TPPP2: variants seen among roughly 807,000 people sequenced by gnomAD.
The protein encoded by TPPP2 is tubulin polymerization-promoting protein family member 2.
A neutral mutation model predicts 13.0 loss-of-function variants in TPPP2; 8 were observed. The ratio of observed to expected loss-of-function variants is 0.62; its 90% CI spans 0.36 to 1.11. The LOEUF (loss-of-function observed/expected upper bound fraction) is 1.11. Among genes scored for constraint, TPPP2 ranks in the 50% most tolerant of loss-of-function variants. The pLI, the probability that TPPP2 is intolerant of heterozygous loss-of-function variation, is 0.02. For synonymous variants in TPPP2, 81 were observed against 81.8 expected (o/e 0.99, Z 0.05); for missense variants, 213 against 216.9 (o/e 0.98, Z 0.11).
upstream of TPPP2, among the ~76,000 whole-genome samples, chr14:21,027,645 A>C (rs1228556988): frequency 6.6e-6 from 1 of 152,248 alleles, no homozygotes; most frequent in African/African-American, 2.4e-5. Flanking sequence ...CAACATCTGT[A>C]AATGCGGTAA....
At chr14:21,034,379 C>A, downstream of TPPP2, 1 of 896,142 alleles carries the variant, frequency 1.1e-6, no homozygotes, top group Admixed American at 2.5e-5. Flanking sequence ...CATTCCCAAC[C>A]CAACAGTACT....
At chr14:21,025,744 CG>C, upstream of TPPP2, 1 of 135,758 alleles carries the variant, frequency 7.4e-6, no homozygotes, top group Non-Finnish European at 9.7e-6. This position sits in a 1 kb window ranked among gnomAD's most constrained non-coding sequence, Gnocchi z 5.1. Flanking sequence ...GACAACAAGG[CG>C]GGGAGGTGGG....
chr14:21,032,461 C>T lies in TPPP2; in HGVS notation c.*384C>T, dbSNP rs577120530. On this transcript the variant is annotated 3_prime_UTR_variant, in exon 4 of 4. Transcript: ENST00000321760. ...CACCCCTCAAAAGGGTGTAGCAATT[C>T]CTCACGTGATGGACTATGACTATAT... 1.5e-5 allele frequency: 6 copies of T among 400,138 alleles called. No homozygotes were observed. In the East Asian group the frequency reaches 4.2e-4, roughly 28 times the overall value. 24.8% of individuals were successfully genotyped at this position (400,138 alleles called of 1,614,324 possible).
chr14:21,026,971 T>C (rs1434221345), upstream of TPPP2, among the ~76,000 whole-genome samples: 1 of 152,092 alleles, frequency 6.6e-6, no homozygotes, highest in Non-Finnish European at 1.5e-5. Context: ...CCTGCAGGCT[T>C]TTCTTTGTCA....
upstream of TPPP2, among the ~76,000 whole-genome samples, chr14:21,026,181 C>T (rs550286651): frequency 6.6e-6 from 1 of 152,276 alleles, no homozygotes; most frequent in South Asian, 2.1e-4. Flanking sequence ...CTGGAATGAG[C>T]TCTCCTTGTG....
downstream of TPPP2, chr14:21,034,214 C>T (rs774976407): frequency 9.9e-6 from 16 of 1,614,000 alleles, no homozygotes; most frequent in Admixed American, 3.3e-5. Context: ...TGCCAATCTG[C>T]ATCTTGATGT....
upstream of TPPP2, chr14:21,028,793 A>G (rs1156507830): frequency 6.6e-5 from 10 of 152,206 alleles, no homozygotes; most frequent in Non-Finnish European, 1.3e-4. Context: ...TCATCCAACT[A>G]TGAGATGATA....
At chr14:21,033,974 A>G (rs1193570641), downstream of TPPP2, 2 of 1,613,826 alleles carry the variant, frequency 1.2e-6, no homozygotes, top group Admixed American at 3.3e-5. Context: ...TGGGGAGGGA[A>G]TCCTGGGTGA....
chr14:21,030,549 C>G lies in TPPP2; in HGVS notation c.-33C>G, dbSNP rs769369640. On this transcript the variant is annotated 5_prime_UTR_variant, in exon 2 of 4. Coordinates refer to ENST00000321760, the MANE Select transcript of TPPP2 (RefSeq NM_173846.5). The stretch of plus-strand genomic sequence containing the variant: ...CCTTCTCCTTCACCCCCAAGTGTCT[C>G]CCACGACTGCCCTCCCCGACCTCTA... 6.2e-7 allele frequency: 1 copy of G among 1,604,998 alleles called. No individual in the cohort carries two copies. The highest frequency in any genetic ancestry group is 8.5e-7 in the Non-Finnish European group (1 of 1,175,406).
At chr14:21,024,672 A>G in intron 1 of TPPP2, 1 of 985,318 alleles carries the variant, frequency 1.0e-6, no homozygotes, top group Non-Finnish European at 1.2e-6. Context: ...TTCTCCCCCG[A>G]CGGCCCGCGA....
At chr14:21,035,196 T>C (rs981461787), downstream of TPPP2, among the ~76,000 whole-genome samples, 4 of 152,308 alleles carry the variant, frequency 2.6e-5, no homozygotes, top group African/African-American at 9.6e-5. Flanking sequence ...GCCTTACTCC[T>C]GTCACACCCA....
chr14:21,026,449 C>T (rs1049368131), upstream of TPPP2, among the ~76,000 whole-genome samples: 2 of 151,512 alleles, frequency 1.3e-5, no homozygotes, highest in African/African-American at 4.9e-5. Context: ...ACACCAGCAC[C>T]GACTGCCCCC....
chr14:21,033,902 T>C (rs1222439675), downstream of TPPP2: 6 of 1,613,930 alleles, frequency 3.7e-6, no homozygotes, highest in African/African-American at 8.0e-5. Flanking sequence ...TCTGGTTGGT[T>C]AGGGTGCTAT....
chr14:21,031,197 C>T (rs1304052546), intron 3 of TPPP2, 32 bp downstream of exon 3: 3 of 1,606,160 alleles, frequency 1.9e-6, no homozygotes, highest in Non-Finnish European at 2.6e-6. Context: ...CTTGACCCTA[C>T]TTCCCTAAAT....
In TPPP2 at chr14:21,032,051, G is replaced by A. The variant is rs1391504735; in HGVS notation, c.487G>A (p.Gly163Ser). The A allele has an allele frequency of 1.2e-6, 2 of 1,613,990 alleles. No homozygotes were observed. Among genetic ancestry groups the A allele is most frequent in the South Asian group, 2.2e-5 (2 of 91,070 alleles). Residue 163 changes from glycine to serine, a missense_variant, in exon 4 of 4, where the codon GGC becomes AGC. Physicochemically the swap from Gly to Ser is moderately conservative, Grantham distance 56 (BLOSUM62 0). Coordinates refer to ENST00000321760, the MANE Select transcript of TPPP2 (RefSeq NM_173846.5). The stretch of plus-strand genomic sequence containing the variant: ...CTATGTGAGTGGTTACAAGGGTTCT[G>A]GCACCTACGATAAGAAGACCAAGTA... ...TGYVSGYKGS[G>S]TYDKKTK
At chr14:21,033,844 T>C, downstream of TPPP2, 1 of 1,613,170 alleles carries the variant, frequency 6.2e-7, no homozygotes, top group African/African-American at 1.3e-5. Context: ...AGACCAGCGA[T>C]ACCTATTGGA....
At chr14:21,035,247 C>A (rs1358103918), downstream of TPPP2, among the ~76,000 whole-genome samples, 1 of 152,212 alleles carries the variant, frequency 6.6e-6, no homozygotes, top group Non-Finnish European at 1.5e-5. Flanking sequence ...AGAGTTTGAG[C>A]ACTACTGGAA....
At chr14:21,031,559 G>C (rs575079613) in intron 3 of TPPP2, among the ~76,000 whole-genome samples, 1 of 152,134 alleles carries the variant, frequency 6.6e-6, no homozygotes, top group Non-Finnish European at 1.5e-5. Context: ...TGAACTAAAA[G>C]CTCTTTCTAC....
upstream of TPPP2, among the ~76,000 whole-genome samples, chr14:21,029,818 C>T (rs1176959511): frequency 6.6e-6 from 1 of 152,110 alleles, no homozygotes. Flanking sequence ...CAGCCCTCAC[C>T]AAACACTGAA....
Sources: gnomAD v4.1 joint callset for allele counts (sites outside exome capture counted in the v4.1 genomes callset) on GRCh38, gnomAD v4.1.1 for gene constraint, Gnocchi (gnomAD v3.1) non-coding constraint, MANE v1.5 for transcripts, NCBI Gene and HGNC (gene_info 2026-07-23, HGNC 2026-07-21) for gene names.